The following SLC4A10 variants were observed in gnomAD, a reference collection of about 807,000 sequenced individuals.
The protein encoded by SLC4A10 is sodium-driven chloride bicarbonate exchanger.
A neutral mutation model predicts 137.7 loss-of-function variants in SLC4A10; 42 were observed. The ratio of observed to expected loss-of-function variants is 0.30; its 90% CI spans 0.24 to 0.39. SLC4A10 has a LOEUF of 0.39. Among genes scored for constraint, SLC4A10 ranks in the 10% least tolerant of loss-of-function variants. The pLI, the probability that SLC4A10 is intolerant of heterozygous loss-of-function variation, is 1.00. For missense variants in SLC4A10, 925 were observed against 1,355.0 expected (o/e 0.68, Z 4.98); for synonymous variants, 474 against 464.1 (o/e 1.02, Z -0.27).
chr2:161,749,027 T>C (rs1382277890), intron 1 of SLC4A10, among the ~76,000 whole-genome samples: 2 of 152,046 alleles, frequency 1.3e-5, no homozygotes, highest in African/African-American at 4.8e-5. Flanking sequence ...GTATTTTATT[T>C]ATTTTGATGC....
chr2:161,951,649 C>T (rs1401691588), intron 19 of SLC4A10, among the ~76,000 whole-genome samples: 1 of 152,016 alleles, frequency 6.6e-6, no homozygotes, highest in Non-Finnish European at 1.5e-5. Flanking sequence ...TTTTCACATA[C>T]CCTTTAAACT....
chr2:161,945,485 AT>A (rs1300857811), intron 16 of SLC4A10, among the ~76,000 whole-genome samples: 7 of 151,388 alleles, frequency 4.6e-5, no homozygotes, highest in Admixed American at 6.6e-5. Context: ...GTCAACAAGC[AT>A]TTTTTGAGTA....
intron 4 of SLC4A10, among the ~76,000 whole-genome samples, chr2:161,853,956 C>G (rs1250357062): frequency 3.3e-5 from 5 of 152,110 alleles, no homozygotes; most frequent in African/African-American, 1.2e-4. Flanking sequence ...GATTCCCTAA[C>G]TAGTTACTCC....
chr2:161,823,825 A>G (rs888899170), intron 3 of SLC4A10, among the ~76,000 whole-genome samples: 1 of 152,240 alleles, frequency 6.6e-6, no homozygotes, highest in African/African-American at 2.4e-5. Context: ...AATGCCACAA[A>G]GGAAGAGAAC....
chr2:161,855,344 G>C (rs2060041565), intron 5 of SLC4A10, among the ~76,000 whole-genome samples: 1 of 152,050 alleles, frequency 6.6e-6, no homozygotes, highest in South Asian at 2.1e-4. Flanking sequence ...GCCAAGTCTA[G>C]GACAAGAACC....
At chr2:161,653,547 C>G (rs1385889841) in intron 1 of SLC4A10, among the ~76,000 whole-genome samples, 1 of 152,154 alleles carries the variant, frequency 6.6e-6, no homozygotes, top group Non-Finnish European at 1.5e-5. Context: ...TTCTAACTGG[C>G]ATGAGATGGT....
chr2:161,664,360 A>G (rs558209108), intron 1 of SLC4A10, among the ~76,000 whole-genome samples: 2 of 152,060 alleles, frequency 1.3e-5, no homozygotes, highest in South Asian at 4.1e-4. Flanking sequence ...ACCTTGGTGA[A>G]TTGTATAATG....
chr2:161,844,495 G>A (rs184960452), intron 4 of SLC4A10, among the ~76,000 whole-genome samples: 2 of 152,098 alleles, frequency 1.3e-5, no homozygotes, highest in Admixed American at 1.3e-4. Flanking sequence ...TCCTAAAAGA[G>A]GATGTTTTTT....
chr2:161,944,034 C>A (rs1266038228), intron 16 of SLC4A10, among the ~76,000 whole-genome samples: 1 of 151,824 alleles, frequency 6.6e-6, no homozygotes, highest in Non-Finnish European at 1.5e-5. Context: ...TAGCTGTGTT[C>A]TGTAGAATAA....
intron 1 of SLC4A10, among the ~76,000 whole-genome samples, chr2:161,645,123 T>C (rs556553153): frequency 5.5e-4 from 84 of 152,096 alleles, no homozygotes; most frequent in Non-Finnish European, 7.9e-4. Context: ...AACCCATAAG[T>C]TGTCCTTAAA....
intron 15 of SLC4A10, 126 bp from the exon 16 acceptor site, chr2:161,942,666 C>T: frequency 1.4e-6 from 1 of 701,598 alleles, no homozygotes; most frequent in Non-Finnish European, 2.4e-6. Context: ...TTTAGGATAA[C>T]CTAACTACTT....
At chr2:161,834,551 T>G (rs62187711) in intron 3 of SLC4A10, among the ~76,000 whole-genome samples, 10,274 of 152,160 alleles carry the variant, frequency 0.068, 454 homozygotes, top group East Asian at 0.17. Flanking sequence ...GTAATTTCCT[T>G]CTGGCTTAAC....
intron 1 of SLC4A10, among the ~76,000 whole-genome samples, chr2:161,747,745 G>A (rs889824308): frequency 1.3e-5 from 2 of 152,094 alleles, no homozygotes; most frequent in African/African-American, 4.8e-5. Flanking sequence ...TGTGAATGCT[G>A]CAATGAATAT....
chr2:161,814,572 C>A (rs991054198), intron 3 of SLC4A10, among the ~76,000 whole-genome samples: 1 of 151,970 alleles, frequency 6.6e-6, no homozygotes, highest in Admixed American at 6.6e-5. Context: ...TACTCCATGG[C>A]ATACATTGCA....
chr2:161,915,407 T>C (rs775073626), intron 15 of SLC4A10, among the ~76,000 whole-genome samples: 1 of 151,716 alleles, frequency 6.6e-6, no homozygotes, highest in Non-Finnish European at 1.5e-5. Context: ...GACTTGAGTT[T>C]TGAATGAAAC....
At chr2:161,848,928 T>A (rs2059657297) in intron 4 of SLC4A10, among the ~76,000 whole-genome samples, 1 of 152,150 alleles carries the variant, frequency 6.6e-6, no homozygotes, top group African/African-American at 2.4e-5. Context: ...TGCACTTTTT[T>A]CTAATTTTGT....
At chr2:161,688,775 T>A (rs1306654205) in intron 1 of SLC4A10, among the ~76,000 whole-genome samples, 2 of 152,186 alleles carry the variant, frequency 1.3e-5, no homozygotes. Flanking sequence ...ATAACGTTTG[T>A]CCTACCACAG....
intron 15 of SLC4A10, among the ~76,000 whole-genome samples, chr2:161,907,098 T>C (rs1050785838): frequency 3.3e-5 from 5 of 151,164 alleles, no homozygotes; most frequent in South Asian, 4.2e-4. Flanking sequence ...CGAAATGATA[T>C]TATGTTGAAA....
chr2:161,807,444 T>C (rs553037995), intron 3 of SLC4A10, among the ~76,000 whole-genome samples: 1 of 152,228 alleles, frequency 6.6e-6, no homozygotes, highest in Admixed American at 6.5e-5. Context: ...TTGCACTTTG[T>C]TCACCTTCTC....
Sources: allele counts gnomAD v4.1 joint callset (sites outside exome capture counted in the v4.1 genomes callset), GRCh38; gene constraint gnomAD v4.1.1; transcripts MANE v1.5; gene names NCBI Gene and HGNC (gene_info 2026-07-23, HGNC 2026-07-21).